Variants in NUBP1 observed in about 807,000 individuals in gnomAD.
NUBP1 encodes cytosolic Fe-S cluster assembly factor NUBP1.
Under a neutral mutation model 41.8 loss-of-function variants are expected in NUBP1, and 46 were observed. The ratio of observed to expected loss-of-function variants is 1.10; its 90% CI spans 0.87 to 1.41. The LOEUF (loss-of-function observed/expected upper bound fraction) is 1.41. Ranked by LOEUF, NUBP1 falls within the 40% of genes most tolerant of loss-of-function variation. NUBP1 has a pLI of 0.00. For missense variants in NUBP1, 494 were observed against 414.0 expected (o/e 1.19, Z -1.68); for synonymous variants, 189 against 154.6 (o/e 1.22, Z -1.65).
intron 9 of NUBP1, among the ~76,000 whole-genome samples, chr16:10,764,455 G>A (rs2030539363): frequency 6.6e-6 from 1 of 151,648 alleles, no homozygotes; most frequent in Non-Finnish European, 1.5e-5. Flanking sequence ...GTGTGTTGGA[G>A]CATCTCAGTC....
rs2030764823 is a variant in NUBP1, at chr16:10,765,619, T to C, written c.821-2330T>C. Among the ~76,000 whole-genome samples the C allele has an allele frequency of 6.6e-6, 1 of 152,206 alleles. No homozygotes were observed. Among genetic ancestry groups the C allele is most frequent in the Non-Finnish European group, 1.5e-5 (1 of 68,036 alleles). ...ACAGATCAGGAAGTGACCTTGGGGC[T>C]ATTAGATCCTGATACGGCTTTTCTT... On this transcript the variant is annotated intron_variant, in intron 9 of 10. Transcript: ENST00000283027. The surrounding 1 kb of genome is among the most constrained non-coding windows in gnomAD (Gnocchi z 4.0).
Position 10,761,424 on chromosome 16 carries a change from A to G in NUBP1, c.667A>G (p.Ile223Val), listed in dbSNP as rs770765119. Residue 223 changes from isoleucine to valine, a missense_variant, in exon 8 of 11, where the codon ATC becomes GTC. Physicochemically the swap from Ile to Val is conservative, Grantham distance 29. Transcript: ENST00000283027. ...INFCRKVKLP[I>V]IGVVENMSGF... ...CTTCTGCCGCAAGGTGAAGCTGCCC[A>G]TCATCGGGGTGGTGGAGAACATGAG... 6.2e-6 allele frequency: 10 copies of G among 1,614,020 alleles called. No individual in the cohort carries two copies. Among genetic ancestry groups the G allele is most frequent in the Non-Finnish European group, 8.5e-6 (10 of 1,179,988 alleles).
intron 3 of NUBP1, 83 bp from the exon 4 acceptor site, chr16:10,752,527 T>C (rs1900365468): frequency 8.8e-7 from 1 of 1,133,116 alleles, no homozygotes; most frequent in Non-Finnish European, 1.3e-6. Flanking sequence ...CCTTTTCCTC[T>C]AACCCCGCTC....
chr16:10,748,961 C>T (rs1900179471), intron 3 of NUBP1, among the ~76,000 whole-genome samples: 1 of 151,842 alleles, frequency 6.6e-6, no homozygotes, highest in African/African-American at 2.4e-5. Flanking sequence ...CATGGTGGTA[C>T]GTGCCTGTAG....
chr16:10,768,053 T>C lies in NUBP1; in HGVS notation c.904+21T>C. On this transcript the variant is annotated intron_variant, in intron 10 of 10. Transcript: ENST00000283027. This position sits in a 1 kb window ranked among gnomAD's most constrained non-coding sequence, Gnocchi z 4.3. ...TCAGAGTAAGTATTTCCATGAGTACTAAATGCAGATGCCTGTGGGGCAGGA... is the reference window on the plus strand; with the variant it reads ...TCAGAGTAAGTATTTCCATGAGTACCAAATGCAGATGCCTGTGGGGCAGGA... The C allele has an allele frequency of 6.2e-7, 1 of 1,607,394 alleles. No individual in the cohort carries two copies. The highest frequency in any genetic ancestry group is 8.5e-7 in the Non-Finnish European group (1 of 1,174,080).
chr16:10,761,286 C>A, intron 7 of NUBP1, 78 bp from the exon 8 acceptor site: 2 of 1,324,510 alleles, frequency 1.5e-6, no homozygotes, highest in Non-Finnish European at 2.1e-6. Context: ...CACTGCATTG[C>A]AGCCATCCCC....
rs79938143 is a variant in NUBP1 at position 10,748,454 on chromosome 16, T to C, written c.258+1178T>C. Among the ~76,000 whole-genome samples, 1,082 of 152,196 alleles carry C rather than the reference T, an allele frequency of 7.1e-3. 13 individuals carry two copies. The highest frequency in any genetic ancestry group is 0.025 in the African/African-American group (1,027 of 41,516). ...GCTGCCCTCTGGATCTCAACTTTAA[T>C]AAAAGGGGTTGGTGGGTCGCTAAGA... On this transcript the variant is annotated intron_variant, in intron 3 of 10. Transcript: ENST00000283027.
chr16:10,751,480 G>C (rs372931589), intron 3 of NUBP1, among the ~76,000 whole-genome samples: 14 of 152,172 alleles, frequency 9.2e-5, no homozygotes, highest in Middle Eastern at 3.2e-3. Flanking sequence ...GCTGGGTGCT[G>C]AGGAAGTAGG....
At chr16:10,754,415 G>A (rs889790943) in intron 4 of NUBP1, among the ~76,000 whole-genome samples, 1 of 151,774 alleles carries the variant, frequency 6.6e-6, no homozygotes, top group African/African-American at 2.4e-5. Context: ...GCTATTTTTT[G>A]TATTTTTAGT....
At position 10,747,496 on chromosome 16, in the gene NUBP1, G is replaced by A. The variant is rs368165435; in HGVS notation, c.258+220G>A. ...TAAAAATACAAAATATTAGCTGGGC[G>A]TGGTAGCGCAGGCTTGTAATCCCAG... On this transcript the variant is annotated intron_variant, in intron 3 of 10. Coordinates refer to ENST00000283027, the MANE Select transcript of NUBP1 (RefSeq NM_002484.4). Among the ~76,000 whole-genome samples the A allele has an allele frequency of 3.9e-5, 6 of 152,366 alleles. No individual in the cohort carries two copies. In the East Asian group the frequency reaches 5.8e-4, roughly 15 times the overall value.
Position 10,761,753 on chromosome 16 carries a change from GC to G in NUBP1, c.718-3del. The G allele has an allele frequency of 2.5e-6, 4 of 1,610,410 alleles. No individual in the cohort carries two copies. Among genetic ancestry groups the G allele is most frequent in the Non-Finnish European group, 3.4e-6 (4 of 1,177,508 alleles). On this transcript the variant is annotated splice_region_variant and splice_polypyrimidine_tract_variant and intron_variant, in intron 8 of 10. Coordinates refer to ENST00000283027, the MANE Select transcript of NUBP1 (RefSeq NM_002484.4). ...GTTTCCTCCCCTTTGAATTTGCCTTGCAGAAAGAATCTCAGATATTCCCTCC... is the reference window on the plus strand; with the variant it reads ...GTTTCCTCCCCTTTGAATTTGCCTTGAGAAAGAATCTCAGATATTCCCTCC...
Position 10,767,842 on chromosome 16 carries a change from GGC to G in NUBP1, c.821-106_821-105del. ...TTTGTTCTTCATTACGAGTGAAGCG[GGC>G]TCAAGATCTTCCCATTGTCACCAGC... On this transcript the variant is annotated intron_variant, in intron 9 of 10. Coordinates refer to ENST00000283027, the MANE Select transcript of NUBP1 (RefSeq NM_002484.4). The surrounding 1 kb of genome is among the most constrained non-coding windows in gnomAD (Gnocchi z 4.6). 9.8e-7 allele frequency: 1 copy of G among 1,016,178 alleles called. No individual in the cohort carries two copies. The highest frequency in any genetic ancestry group is 1.5e-6 in the Non-Finnish European group (1 of 650,318). 62.9% of individuals were successfully genotyped at this position (1,016,178 alleles called of 1,614,324 possible).
chr16:10,753,974 G>C (rs925034909), intron 4 of NUBP1, among the ~76,000 whole-genome samples: 2 of 152,136 alleles, frequency 1.3e-5, no homozygotes, highest in Non-Finnish European at 2.9e-5. Flanking sequence ...GAAGGAGAGC[G>C]ATGTCACCCT....
chr16:10,768,716 G>A lies in NUBP1; in HGVS notation c.905-331G>A, dbSNP rs990884354. Reference sequence around the variant, plus strand: ...GAGGCCCCAGAGTTAGGGCAGAGGTGTCAGTGTTTGTTAAAGCTGTGGTCT... The same window carrying A: ...GAGGCCCCAGAGTTAGGGCAGAGGTATCAGTGTTTGTTAAAGCTGTGGTCT... On this transcript the variant is annotated intron_variant, in intron 10 of 10. Transcript: ENST00000283027. This position sits in a 1 kb window ranked among gnomAD's most constrained non-coding sequence, Gnocchi z 4.3. 1.9e-5 allele frequency: 5 copies of A among 261,416 alleles called. No homozygotes were observed. The highest frequency in any genetic ancestry group is 3.6e-5 in the Non-Finnish European group (5 of 139,984). The allele number at this position is 261,416 out of a possible 1,614,324, so 16.2% of individuals were successfully genotyped here.
intron 2 of NUBP1, 125 bp downstream of exon 2, chr16:10,744,190 G>A: frequency 2.1e-6 from 2 of 970,718 alleles, no homozygotes; most frequent in South Asian, 3.5e-5. Context: ...TATTGTATTC[G>A]GAGAGGGGTG....
At chr16:10,751,423 G>C (rs1430172035) in intron 3 of NUBP1, among the ~76,000 whole-genome samples, 2 of 152,202 alleles carry the variant, frequency 1.3e-5, no homozygotes, top group African/African-American at 4.8e-5. Flanking sequence ...CCTGAGGCCA[G>C]TGCTGGTCTG....
rs2031344748 is a variant in NUBP1, at chr16:10,769,223, G to A, written c.*118G>A. 2 of 811,228 alleles carry A rather than the reference G, an allele frequency of 2.5e-6. No homozygotes were observed. Among genetic ancestry groups the A allele is most frequent in the African/African-American group, 1.7e-5 (1 of 57,650 alleles). The allele number at this position is 811,228 out of a possible 1,614,324, so 50.3% of individuals were successfully genotyped here. Reference sequence around the variant, plus strand: ...GGTCACAGCAAAAGGACCAGATGCTGGTGTGGTCCGAAGCCACTTTCTCAG... The same window carrying A: ...GGTCACAGCAAAAGGACCAGATGCTAGTGTGGTCCGAAGCCACTTTCTCAG... On this transcript the variant is annotated 3_prime_UTR_variant, in exon 11 of 11. Coordinates refer to ENST00000283027, the MANE Select transcript of NUBP1 (RefSeq NM_002484.4).
chr16:10,757,762 G>A lies in NUBP1; in HGVS notation c.452-111G>A. On this transcript the variant is annotated intron_variant, in intron 6 of 10. Coordinates refer to ENST00000283027, the MANE Select transcript of NUBP1 (RefSeq NM_002484.4). This position sits in a 1 kb window ranked among gnomAD's most constrained non-coding sequence, Gnocchi z 4.1. ...AGGATTGCTTGAGCCTCAGAGTTAA[G>A]AGCCAACCTGGGCAACATAGCAAGA... The A allele has an allele frequency of 1.4e-6, 2 of 1,379,358 alleles. No individual in the cohort carries two copies. Among genetic ancestry groups the A allele is most frequent in the East Asian group, 4.7e-5 (2 of 42,986 alleles). The allele number at this position is 1,379,358 out of a possible 1,614,324, so 85.4% of individuals were successfully genotyped here.
chr16:10,756,394 A>C (rs1900556114), intron 5 of NUBP1, among the ~76,000 whole-genome samples: 1 of 138,356 alleles, frequency 7.2e-6, no homozygotes, highest in Admixed American at 6.9e-5. Flanking sequence ...ATGAAAAATA[A>C]AAAAATAAAA....
Sources: allele counts gnomAD v4.1 joint callset (sites outside exome capture counted in the v4.1 genomes callset), GRCh38; gene constraint gnomAD v4.1.1; non-coding constraint Gnocchi (gnomAD v3.1); transcripts MANE v1.5; gene names NCBI Gene and HGNC (gene_info 2026-07-23, HGNC 2026-07-21).